The following HFM1 variants were observed in gnomAD, a reference collection of about 807,000 sequenced individuals.
HFM1 encodes the protein helicase for meiosis 1.
HFM1 carries 169 observed loss-of-function variants against 192.1 expected under a neutral mutation model. That is an observed-to-expected ratio of 0.88 (90% CI 0.78 to 1.00). The LOEUF is 1.00. Among genes scored for constraint, HFM1 ranks in the 50% least tolerant of loss-of-function variants. The pLI, the probability that HFM1 is intolerant of heterozygous loss-of-function variation, is 0.00. For missense variants in HFM1, 1,661 were observed against 1,668.0 expected, an observed-to-expected ratio of 1.00 and a Z score of 0.07; for synonymous variants, 525 against 537.8, an observed-to-expected ratio of 0.98 and a Z score of 0.33.
intron 10 of HFM1, 32 bp downstream of exon 10, chr1:91,378,371 T>C (rs768339960): frequency 8.7e-6 from 13 of 1,487,362 alleles, no homozygotes; most frequent in East Asian, 2.3e-5. Context: ...TATCCTTTTA[T>C]GTTTATCTCT....
At chr1:91,297,453 C>A (rs906999073) in intron 30 of HFM1, among the ~76,000 whole-genome samples, 2 of 152,216 alleles carry the variant, frequency 1.3e-5, no homozygotes, top group African/African-American at 4.8e-5. Flanking sequence ...GTGGTTCTCC[C>A]AGCATGCAGC....
chr1:91,396,297 C>T lies in HFM1; in HGVS notation c.180G>A (p.Leu60=), dbSNP rs772134819. The T allele has an allele frequency of 2.7e-5, 40 of 1,462,896 alleles. No individual in the cohort carries two copies. The highest frequency in any genetic ancestry group is 3.6e-5 in the Non-Finnish European group (38 of 1,051,532). 90.6% of individuals were successfully genotyped at this position (1,462,896 alleles called of 1,614,324 possible). Residue 60 remains leucine (L), a synonymous_variant, in exon 3 of 39, where the codon CTG becomes CTA. Transcript: ENST00000370425. The part of the protein sequence containing the change: ...ELEEELESHK[L]LGQEKRPKML... The stretch of plus-strand genomic sequence containing the variant: ...AACAAATATGTGATAATTTACCTAA[C>T]AGTTTATGACTTTCTAATTCTTCCT...
intron 20 of HFM1, chr1:91,338,910 T>C (rs1654961947): frequency 4.8e-5 from 22 of 455,700 alleles, no homozygotes; most frequent in South Asian, 3.4e-4. Flanking sequence ...TGATTGCCAG[T>C]GAACCAGGAA....
At chr1:91,351,504 G>A (rs1304670609) in intron 17 of HFM1, 45 bp downstream of exon 17, 11 of 934,708 alleles carry the variant, frequency 1.2e-5, no homozygotes, top group African/African-American at 1.7e-5. Context: ...AATAAAATAA[G>A]CTATATTAGC....
chr1:91,366,700 C>T (rs1031294465), intron 13 of HFM1, among the ~76,000 whole-genome samples: 1 of 152,198 alleles, frequency 6.6e-6, no homozygotes, highest in East Asian at 1.9e-4. Flanking sequence ...GTGAGCAATG[C>T]AGAAGACAGG....
At chr1:91,369,838 C>T (rs1659916229) in intron 13 of HFM1, among the ~76,000 whole-genome samples, 1 of 151,954 alleles carries the variant, frequency 6.6e-6, no homozygotes, top group African/African-American at 2.4e-5. Context: ...ATTGATAAAC[C>T]ACTAGCAAGA....
Position 91,323,011 on chromosome 1 carries a change from C to A in HFM1, c.2535-14G>T. On this transcript the variant is annotated splice_polypyrimidine_tract_variant and intron_variant, in intron 22 of 38. Coordinates refer to ENST00000370425, the MANE Select transcript of HFM1 (RefSeq NM_001017975.6). Reference sequence around the variant, plus strand: ...TCCATTGGAAATCTGTAAATAAAACCACATGGCAAAACATTTATTATTATT... The same window carrying A: ...TCCATTGGAAATCTGTAAATAAAACAACATGGCAAAACATTTATTATTATT... 7.3e-7 allele frequency: 1 copy of A among 1,371,678 alleles called. No homozygotes were observed. The highest frequency in any genetic ancestry group is 2.6e-5 in the East Asian group (1 of 38,322). 85.0% of individuals were successfully genotyped at this position (1,371,678 alleles called of 1,614,324 possible).
At chr1:91,361,119 C>T (rs1658439079) in intron 13 of HFM1, among the ~76,000 whole-genome samples, 1 of 151,986 alleles carries the variant, frequency 6.6e-6, no homozygotes, top group Non-Finnish European at 1.5e-5. Flanking sequence ...AACAACCTAA[C>T]ATCTCAACTA....
chr1:91,358,444 A>G (rs1658035433), intron 13 of HFM1, among the ~76,000 whole-genome samples: 1 of 152,156 alleles, frequency 6.6e-6, no homozygotes, highest in African/African-American at 2.4e-5. Flanking sequence ...ACTTGCATAA[A>G]AACAGAAACA....
intron 20 of HFM1, among the ~76,000 whole-genome samples, chr1:91,341,696 T>G (rs932010604): frequency 2.7e-5 from 4 of 150,556 alleles, no homozygotes; most frequent in Non-Finnish European, 4.4e-5. Flanking sequence ...CTAGCTAGAA[T>G]AACAAACAAA....
chr1:91,365,311 A>T (rs1659146483), intron 13 of HFM1, among the ~76,000 whole-genome samples: 1 of 152,144 alleles, frequency 6.6e-6, no homozygotes, highest in Non-Finnish European at 1.5e-5. Flanking sequence ...ACTATAGTTA[A>T]TAAAAATTAT....
chr1:91,399,200 C>T (rs896290443), intron 2 of HFM1, among the ~76,000 whole-genome samples: 4 of 152,226 alleles, frequency 2.6e-5, no homozygotes, highest in Admixed American at 2.0e-4. Context: ...AAGAAATCTC[C>T]CTAGGTTCCC....
intron 2 of HFM1, among the ~76,000 whole-genome samples, chr1:91,398,240 C>A (rs1663906229): frequency 6.6e-6 from 1 of 152,180 alleles, no homozygotes; most frequent in Non-Finnish European, 1.5e-5. Flanking sequence ...TTAATAAAAT[C>A]AAATCTTCCT....
rs764012513 is a variant in HFM1, at chr1:91,315,959, C to T, written c.2996G>A (p.Ser999Asn). ...CACTAATATTTCTGCCGTCGTATCA[C>T]TATATCTTGTAATCTTTAAAAAAGG... Reference protein sequence around the residue: ...ELKVEQITRYSDTTAEILVTV... With the variant: ...ELKVEQITRYNDTTAEILVTV... Residue 999 changes from serine (S) to asparagine (N), a missense_variant, in exon 28 of 39, where the codon AGT (serine) becomes AAT (asparagine). Coordinates refer to ENST00000370425, the MANE Select transcript of HFM1 (RefSeq NM_001017975.6). The T allele has an allele frequency of 2.5e-6, 4 of 1,588,004 alleles. No individual in the cohort carries two copies. Among genetic ancestry groups the T allele is most frequent in the East Asian group, 2.2e-5 (1 of 44,644 alleles).
chr1:91,407,059 A>G (rs565128163), upstream of HFM1, among the ~76,000 whole-genome samples: 4 of 152,316 alleles, frequency 2.6e-5, no homozygotes, highest in East Asian at 7.7e-4. Flanking sequence ...AATTTTAACC[A>G]TATATAAGTG....
chr1:91,358,705 C>T (rs1658072477), intron 13 of HFM1, among the ~76,000 whole-genome samples: 1 of 152,170 alleles, frequency 6.6e-6, no homozygotes, highest in African/African-American at 2.4e-5. Flanking sequence ...GAACATAGGG[C>T]AAAGCACCTT....
intron 23 of HFM1, among the ~76,000 whole-genome samples, chr1:91,320,732 T>G (rs752061365): frequency 1.3e-5 from 2 of 152,112 alleles, no homozygotes; most frequent in Non-Finnish European, 2.9e-5. Flanking sequence ...TCTCTGTTTC[T>G]CTGCACCAGA....
chr1:91,340,488 T>C (rs1655179102), intron 20 of HFM1, among the ~76,000 whole-genome samples: 1 of 152,170 alleles, frequency 6.6e-6, no homozygotes, highest in Admixed American at 6.6e-5. Flanking sequence ...AGACCATTAC[T>C]GGCCACCACA....
chr1:91,305,922 C>T (rs748360814), intron 30 of HFM1, among the ~76,000 whole-genome samples: 8 of 151,950 alleles, frequency 5.3e-5, no homozygotes, highest in South Asian at 2.1e-4. Context: ...AGCACAATGT[C>T]GAATAGAAAT....
Sources: gnomAD v4.1 joint callset for allele counts (sites outside exome capture counted in the v4.1 genomes callset) on GRCh38, gnomAD v4.1.1 for gene constraint, MANE v1.5 for transcripts, NCBI Gene and HGNC (gene_info 2026-07-23, HGNC 2026-07-21) for gene names.